HYDIN: variants seen among roughly 807,000 people sequenced by gnomAD.
The protein encoded by HYDIN is axonemal central pair apparatus protein HYDIN.
A neutral mutation model predicts 403.9 loss-of-function variants in HYDIN; 132 were observed. That is an observed-to-expected ratio of 0.33 (90% CI 0.28 to 0.38). The LOEUF (loss-of-function observed/expected upper bound fraction) is 0.38, where lower values mean the gene tolerates loss of function less well. Ranked by LOEUF, HYDIN falls within the 10% of genes least tolerant of loss-of-function variation. The probability of loss-of-function intolerance (pLI) is 1.00; values close to 1 mark genes in which losing one functional copy is unlikely to be tolerated. For missense variants in HYDIN, 2,827 were observed against 5,009.5 expected (o/e 0.56, Z 13.15); for synonymous variants, 1,202 against 1,891.7 (o/e 0.64, Z 9.46).
intron 7 of HYDIN, among the ~76,000 whole-genome samples, chr16:71,138,636 T>C (rs1000806457): frequency 6.6e-6 from 1 of 152,044 alleles, no homozygotes; most frequent in African/African-American, 2.4e-5. Context: ...TTTTAAACTT[T>C]CTTTGAGTGA....
chr16:70,877,394 TATC>T (rs2040510769), intron 62 of HYDIN, among the ~76,000 whole-genome samples: 1 of 152,078 alleles, frequency 6.6e-6, no homozygotes, highest in Non-Finnish European at 1.5e-5. Context: ...CACCTGGACA[TATC>T]ATAGTAAAAC....
At chr16:70,871,301 C>A (rs1014644095) in intron 65 of HYDIN, among the ~76,000 whole-genome samples, 5 of 152,116 alleles carry the variant, frequency 3.3e-5, no homozygotes, top group African/African-American at 1.2e-4. Flanking sequence ...TTGCTCCATC[C>A]CCCTCGAGTA....
At chr16:70,837,664 C>T (rs763179516) in intron 77 of HYDIN, 26 bp downstream of exon 77, 2 of 1,613,486 alleles carry the variant, frequency 1.2e-6, no homozygotes, top group Non-Finnish European at 1.7e-6. Flanking sequence ...GGTGCCACGC[C>T]TGAAGGCCTC....
chr16:71,126,570 C>A (rs1597835363), intron 9 of HYDIN, among the ~76,000 whole-genome samples: 1 of 152,086 alleles, frequency 6.6e-6, no homozygotes, highest in Non-Finnish European at 1.5e-5. Flanking sequence ...AGTCTCTTCC[C>A]AGCTGCAGTG....
At chr16:71,159,575 TAAAACAAAAAGC>T (rs1452812845) in intron 6 of HYDIN, among the ~76,000 whole-genome samples, 2 of 90,246 alleles carry the variant, frequency 2.2e-5, no homozygotes, top group Non-Finnish European at 4.3e-5. Flanking sequence ...ACAAAATCTT[TAAAACAAAAAGC>T]AAAACATAAA....
chr16:71,120,793 A>G (rs1382140879), intron 9 of HYDIN, among the ~76,000 whole-genome samples: 3 of 151,930 alleles, frequency 2.0e-5, no homozygotes, highest in South Asian at 4.2e-4. Flanking sequence ...ACTTATATAC[A>G]TATGTAATTT....
intron 78 of HYDIN, among the ~76,000 whole-genome samples, chr16:70,835,442 A>C (rs1055480058): frequency 2.6e-5 from 4 of 152,226 alleles, no homozygotes; most frequent in African/African-American, 4.8e-5. Flanking sequence ...AATGAAATGA[A>C]AATGCAAAAT....
At chr16:71,077,473 C>G (rs2082653787) in intron 13 of HYDIN, among the ~76,000 whole-genome samples, 1 of 152,112 alleles carries the variant, frequency 6.6e-6, no homozygotes, top group Non-Finnish European at 1.5e-5. Context: ...TTGCTAAACT[C>G]TTATTAGTTC....
At chr16:71,177,465 G>A (rs1459921093) in intron 4 of HYDIN, among the ~76,000 whole-genome samples, 1 of 152,078 alleles carries the variant, frequency 6.6e-6, no homozygotes, top group African/African-American at 2.4e-5. Flanking sequence ...TCTGACCCAT[G>A]AGCTTCTCTT....
At chr16:71,167,156 T>C (rs1459172285) in intron 5 of HYDIN, among the ~76,000 whole-genome samples, 3 of 152,076 alleles carry the variant, frequency 2.0e-5, no homozygotes, top group Non-Finnish European at 4.4e-5. Flanking sequence ...CAAATGATTC[T>C]GGTTTCCAGA....
intron 4 of HYDIN, among the ~76,000 whole-genome samples, chr16:71,176,150 A>G (rs1397538127): frequency 1.3e-5 from 2 of 151,990 alleles, no homozygotes; most frequent in East Asian, 3.9e-4. Flanking sequence ...CTAAAAATAC[A>G]AAAAATTAGC....
At chr16:70,930,596 A>C (rs1335146118) in intron 45 of HYDIN, among the ~76,000 whole-genome samples, 1 of 152,212 alleles carries the variant, frequency 6.6e-6, no homozygotes, top group Non-Finnish European at 1.5e-5. Flanking sequence ...AAGGAGAGAG[A>C]GCCAAAGAAG....
rs1293615697 is a variant in HYDIN, at chr16:70,955,383, T to C, written c.6308A>G (p.Glu2103Gly). The C allele has an allele frequency of 6.3e-7, 1 of 1,597,610 alleles. No individual in the cohort carries two copies. The highest frequency in any genetic ancestry group is 1.8e-5 in the Admixed American group (1 of 55,178). Residue 2103 changes from glutamate (E) to glycine (G), a missense_variant, in exon 40 of 86, where the codon GAG becomes GGG. Transcript: ENST00000393567. ...AAIEQSVKEG[E>G]EAAQEAAVGQ... ...AGAGAATGGGCTCTTACCAGCCTCCTCTCCTTCCTTCACGGACTGCTCTAT... is the reference window on the plus strand; with the variant it reads ...AGAGAATGGGCTCTTACCAGCCTCCCCTCCTTCCTTCACGGACTGCTCTAT...
chr16:70,896,513 T>C (rs2938742), intron 53 of HYDIN, among the ~76,000 whole-genome samples: 31,157 of 151,536 alleles, frequency 0.21, 6,248 homozygotes, highest in African/African-American at 0.53. Flanking sequence ...TCATCATGCT[T>C]GGCTAATTTT....
rs118101213 is a variant in HYDIN, at chr16:71,086,215, T to G, written c.1670+2086A>C. Among the ~76,000 whole-genome samples the G allele has an allele frequency of 1.9e-3, 282 of 152,306 alleles. 5 individuals carry two copies. Among genetic ancestry groups the G allele is most frequent in the Admixed American group, 0.016 (247 of 15,284 alleles). On this transcript the variant is annotated intron_variant, in intron 12 of 85. Transcript: ENST00000393567. ...GGCAATCCTGAATTTGGGTAAATAA[T>G]TCAGAGTCAAAAGTGAGGGCAGTAG...
intron 8 of HYDIN, among the ~76,000 whole-genome samples, chr16:71,136,020 C>G (rs912185762): frequency 5.3e-5 from 8 of 151,932 alleles, no homozygotes; most frequent in Non-Finnish European, 7.4e-5. Flanking sequence ...CAGGGCTAAT[C>G]TTTAATGAAA....
chr16:70,914,527 C>CAAA (rs973752348), intron 47 of HYDIN, among the ~76,000 whole-genome samples: 109 of 140,396 alleles, frequency 7.8e-4, no homozygotes, highest in African/African-American at 2.8e-3. Context: ...GATAGGTTTT[C>CAAA]CTTTGTTGAT....
intron 67 of HYDIN, chr16:70,865,080 T>C (rs1464244716): frequency 4.9e-6 from 1 of 202,598 alleles, no homozygotes; most frequent in African/African-American, 2.4e-5. Context: ...AATGAGCTAA[T>C]TACTAATTTG....
chr16:70,970,418 A>G, intron 36 of HYDIN, 102 bp downstream of exon 36: 1 of 704,806 alleles, frequency 1.4e-6, no homozygotes, highest in Non-Finnish European at 2.4e-6. Context: ...GAAGTAGGTC[A>G]GAAAAGGCTA....
Sources: allele counts gnomAD v4.1 joint callset (sites outside exome capture counted in the v4.1 genomes callset), GRCh38; gene constraint gnomAD v4.1.1; transcripts MANE v1.5; gene names NCBI Gene and HGNC (gene_info 2026-07-23, HGNC 2026-07-21).